The following C9 variants were observed in gnomAD, a reference collection of about 807,000 sequenced individuals.
C9 encodes complement component C9.
In C9, 63 loss-of-function variants were observed where a neutral mutation model predicts 65.4. The observed-to-expected ratio is 0.96, with a 90% CI of 0.79 to 1.19. C9 has a LOEUF of 1.19. Ranked by LOEUF, C9 falls within the 50% of genes most tolerant of loss-of-function variation. The pLI is 0.00. For missense variants in C9, 744 were observed against 670.1 expected (o/e 1.11, Z -1.22); for synonymous variants, 229 against 227.9 (o/e 1.00, Z -0.04).
In C9 at chr5:39,349,050, A is replaced by C. The variant is rs142873838; in HGVS notation, c.78-6854T>G. ...GTGGGGGGGAGGGGGGAAGGAACGCATTAGGAGATATACCCAATGTAAATG... is the reference window on the plus strand; with the variant it reads ...GTGGGGGGGAGGGGGGAAGGAACGCCTTAGGAGATATACCCAATGTAAATG... On this transcript the variant is annotated intron_variant, in intron 1 of 10. Coordinates refer to ENST00000263408, the MANE Select transcript of C9 (RefSeq NM_001737.5). 1.2e-3 allele frequency among the ~76,000 whole-genome samples: 184 copies of C among 152,068 alleles called. 1 individual carries two copies. The highest frequency in any genetic ancestry group is 4.1e-3 in the African/African-American group (169 of 41,452).
In C9 at chr5:39,315,889, T is replaced by G. The variant is rs758235529; in HGVS notation, c.756A>C (p.Glu252Asp). The change falls in exon 6 of 11, where the codon GAA becomes GAC. Residue 252 changes from glutamate to aspartate, a missense_variant. Glu to Asp is a conservative substitution (Grantham distance 45). Coordinates refer to ENST00000263408, the MANE Select transcript of C9 (RefSeq NM_001737.5). The stretch of plus-strand genomic sequence containing the variant: ...AGGAGGCTGTTTCCTCACAACATTG[T>G]TCAGCTTTATTTGTTTCAGTGGGTG... ...KFTPTETNKA[E>D]QCCEETASSI... 2 of 1,613,582 alleles carry G rather than the reference T, an allele frequency of 1.2e-6. No homozygotes were observed.
intron 5 of C9, 39 bp from the exon 6 acceptor site, chr5:39,316,068 C>T (rs747185860): frequency 6.5e-5 from 101 of 1,562,580 alleles, no homozygotes; most frequent in East Asian, 3.2e-4. Flanking sequence ...AAACAAGATA[C>T]GAAACAAAAG....
intron 5 of C9, among the ~76,000 whole-genome samples, chr5:39,326,609 G>T (rs564635542): frequency 1.3e-5 from 2 of 152,322 alleles, no homozygotes; most frequent in Admixed American, 6.5e-5. Flanking sequence ...GTGCCTTCAT[G>T]ATTTAACCCC....
At chr5:39,358,984 CAAAAAAAT>C (rs1441666075) in intron 1 of C9, among the ~76,000 whole-genome samples, 12 of 106,446 alleles carry the variant, frequency 1.1e-4, no homozygotes, top group Admixed American at 2.2e-4. Flanking sequence ...GACTCCATCT[CAAAAAAAT>C]AAATAAATAA....
intron 1 of C9, among the ~76,000 whole-genome samples, chr5:39,355,461 GTT>G (rs3836793): frequency 6.6e-6 from 1 of 150,720 alleles, no homozygotes; most frequent in Non-Finnish European, 1.5e-5. Flanking sequence ...ACTCCTTTTT[GTT>G]TTTTTTTATT....
chr5:39,331,625 C>T, intron 5 of C9, 51 bp downstream of exon 5: 1 of 1,552,654 alleles, frequency 6.4e-7, no homozygotes, highest in Non-Finnish European at 8.9e-7. Flanking sequence ...CTTATTTAAG[C>T]AATTTTTCAG....
At chr5:39,291,949 G>T in intron 9 of C9, among the ~76,000 whole-genome samples, 1 of 151,682 alleles carries the variant, frequency 6.6e-6, no homozygotes, top group South Asian at 2.1e-4. Flanking sequence ...CAAGAGTGTG[G>T]GGCAATATGA....
At chr5:39,349,356 A>G (rs966490151) in intron 1 of C9, among the ~76,000 whole-genome samples, 2 of 152,128 alleles carry the variant, frequency 1.3e-5, no homozygotes. Context: ...GTGATATTAA[A>G]CATAAAAAGC....
At chr5:39,350,978 T>G (rs896355410) in intron 1 of C9, among the ~76,000 whole-genome samples, 2 of 152,208 alleles carry the variant, frequency 1.3e-5, no homozygotes, top group Non-Finnish European at 2.9e-5. Context: ...ACCGTCCCTA[T>G]AGCAAACTTC....
chr5:39,294,721 C>T (rs1462674806), intron 9 of C9, among the ~76,000 whole-genome samples: 3 of 151,546 alleles, frequency 2.0e-5, no homozygotes, highest in African/African-American at 7.3e-5. Flanking sequence ...TTTATGAGAC[C>T]AGCATAACCC....
rs543484210 is a variant in C9 at position 39,351,637 on chromosome 5, A to T, written c.78-9441T>A. On this transcript the variant is annotated intron_variant, in intron 1 of 10. Transcript: ENST00000263408. Reference sequence around the variant, plus strand: ...CAGATTCCTAGAGCATGGGCACAATACCACCAGTCTCTTTGATAAAATATA... The same window carrying T: ...CAGATTCCTAGAGCATGGGCACAATTCCACCAGTCTCTTTGATAAAATATA... 8.9e-4 allele frequency among the ~76,000 whole-genome samples: 135 copies of T among 152,292 alleles called. 4 individuals are homozygous for T. In the South Asian group the frequency reaches 0.026, roughly 29 times the overall value.
chr5:39,324,197 C>T (rs1295712903), intron 5 of C9, among the ~76,000 whole-genome samples: 2 of 152,086 alleles, frequency 1.3e-5, no homozygotes, highest in South Asian at 2.1e-4. Flanking sequence ...ATCCAATATT[C>T]ATGGATTGGA....
At chr5:39,289,538 T>C (rs1338130137) in intron 9 of C9, among the ~76,000 whole-genome samples, 1 of 151,674 alleles carries the variant, frequency 6.6e-6, no homozygotes, top group African/African-American at 2.4e-5. Context: ...TCCTCCAGAA[T>C]AGAAAGGGGA....
intron 9 of C9, among the ~76,000 whole-genome samples, chr5:39,298,643 T>C (rs1480607557): frequency 6.6e-6 from 1 of 151,758 alleles, no homozygotes; most frequent in Admixed American, 6.6e-5. Flanking sequence ...AAGGCCTAGA[T>C]GGCATTATTG....
chr5:39,355,615 C>A (rs998921985), intron 1 of C9, among the ~76,000 whole-genome samples: 1 of 152,204 alleles, frequency 6.6e-6, no homozygotes, highest in African/African-American at 2.4e-5. Flanking sequence ...ACATATCACT[C>A]TCTTGCCCTG....
intron 1 of C9, among the ~76,000 whole-genome samples, chr5:39,347,828 A>G (rs576561725): frequency 6.6e-6 from 1 of 152,260 alleles, no homozygotes; most frequent in African/African-American, 2.4e-5. Context: ...AGAGATATAG[A>G]CCAATGGAAC....
At chr5:39,297,092 A>T (rs569208465) in intron 9 of C9, among the ~76,000 whole-genome samples, 1 of 151,776 alleles carries the variant, frequency 6.6e-6, no homozygotes, top group East Asian at 1.9e-4. Context: ...ATAACATTGT[A>T]GGATTACTAT....
Position 39,341,271 on chromosome 5 carries a change from A to C in C9, c.351T>G (p.Leu117=), listed in dbSNP as rs752089514. The C allele has an allele frequency of 3.7e-6, 6 of 1,614,164 alleles. No individual in the cohort carries two copies. Among genetic ancestry groups the C allele is most frequent in the Non-Finnish European group, 5.1e-6 (6 of 1,180,028 alleles). The change falls in exon 4 of 11, where the codon CTT becomes CTG. Residue 117 remains leucine (L), a synonymous_variant. Coordinates refer to ENST00000263408, the MANE Select transcript of C9 (RefSeq NM_001737.5). ...CSTGRCIKMR[L]RCNGDNDCGD... Reference sequence around the variant, plus strand: ...CGCAGTCATTGTCACCATTACACCGAAGTCGCATCTTTATGCATCTGCCTG... The same window carrying C: ...CGCAGTCATTGTCACCATTACACCGCAGTCGCATCTTTATGCATCTGCCTG...
chr5:39,346,791 A>G (rs1479763285), intron 1 of C9, among the ~76,000 whole-genome samples: 4 of 152,246 alleles, frequency 2.6e-5, no homozygotes, highest in Non-Finnish European at 5.9e-5. Flanking sequence ...TGGCAAACCG[A>G]ATCCAGCAAC....
Sources: gnomAD v4.1 joint callset for allele counts (sites outside exome capture counted in the v4.1 genomes callset) on GRCh38, gnomAD v4.1.1 for gene constraint, MANE v1.5 for transcripts, NCBI Gene and HGNC (gene_info 2026-07-23, HGNC 2026-07-21) for gene names.